RGS20: variants seen among roughly 807,000 people sequenced by gnomAD.
RGS20 encodes gz-selective GTPase-activating protein.
Under a neutral mutation model 33.6 loss-of-function variants are expected in RGS20, and 30 were observed. That is an observed-to-expected ratio of 0.89 (90% CI 0.67 to 1.21). The LOEUF (loss-of-function observed/expected upper bound fraction) is 1.21. Among genes scored for constraint, RGS20 ranks in the 50% most tolerant of loss-of-function variants. The pLI is 0.00. For missense variants in RGS20, 472 were observed against 502.4 expected, an observed-to-expected ratio of 0.94 and a Z score of 0.58; for synonymous variants, 208 against 197.9, an observed-to-expected ratio of 1.05 and a Z score of -0.43.
intron 1 of RGS20, among the ~76,000 whole-genome samples, chr8:53,865,515 A>G (rs78779627): frequency 1.3e-5 from 2 of 152,256 alleles, no homozygotes; most frequent in African/African-American, 4.8e-5. Context: ...TCAACTCCAG[A>G]TCATGACATT....
chr8:53,858,307 A>G (rs903414116), intron 1 of RGS20, among the ~76,000 whole-genome samples: 4 of 152,152 alleles, frequency 2.6e-5, no homozygotes, highest in Admixed American at 6.5e-5. Context: ...GCACCTGTAC[A>G]CTCCACTTAC....
chr8:53,858,531 TCTA>T (rs1177759290), intron 1 of RGS20, among the ~76,000 whole-genome samples: 3 of 151,980 alleles, frequency 2.0e-5, no homozygotes, highest in African/African-American at 7.2e-5. Flanking sequence ...TTTAAAAACC[TCTA>T]TGTACACATA....
chr8:53,915,795 C>T (rs58780122), intron 2 of RGS20, among the ~76,000 whole-genome samples: 9,861 of 152,096 alleles, frequency 0.065, 865 homozygotes, highest in African/African-American at 0.2. Flanking sequence ...ATTGGAGTCT[C>T]GCTATGTTGT....
intron 4 of RGS20, 88 bp from the exon 4 acceptor site, chr8:53,953,988 G>A: frequency 2.2e-6 from 2 of 906,106 alleles, no homozygotes; most frequent in Non-Finnish European, 3.7e-6. Context: ...CATTCTTGGA[G>A]GAGGAAAAGA....
chr8:53,855,045 G>A (rs1361591126), intron 1 of RGS20, among the ~76,000 whole-genome samples: 1 of 152,144 alleles, frequency 6.6e-6, no homozygotes, highest in Non-Finnish European at 1.5e-5. Flanking sequence ...CTATATATAT[G>A]TGTATGATTC....
chr8:53,864,666 A>G (rs1345531682), intron 1 of RGS20, among the ~76,000 whole-genome samples: 9 of 152,112 alleles, frequency 5.9e-5, no homozygotes, highest in Admixed American at 5.9e-4. Context: ...TTGATTGGCC[A>G]GTTGATTAGT....
intron 5 of RGS20, among the ~76,000 whole-genome samples, chr8:53,956,857 C>T (rs1019452175): frequency 1.3e-5 from 2 of 151,956 alleles, no homozygotes; most frequent in Non-Finnish European, 2.9e-5. Context: ...TATTATACAA[C>T]CAAAAACAGG....
intron 2 of RGS20, among the ~76,000 whole-genome samples, chr8:53,921,639 G>C (rs1813651663): frequency 6.6e-6 from 1 of 151,852 alleles, no homozygotes. Context: ...TTGGCATACA[G>C]TTGTTCACAG....
chr8:53,954,297 T>A lies in RGS20; in HGVS notation c.965T>A (p.Leu322His). The A allele has an allele frequency of 6.2e-7, 1 of 1,604,608 alleles. No homozygotes were observed. Among genetic ancestry groups the A allele is most frequent in the Non-Finnish European group, 8.5e-7 (1 of 1,171,948 alleles). Residue 322 changes from leucine (L) to histidine (H), a missense_variant, in exon 5 of 6, where the codon CTT (leucine) becomes CAT (histidine). Transcript: ENST00000297313. ...ATCTATGAAGACTACATTTCTATAC[T>A]TTCTCCTAAGGAGGTATGTGACCAC...
chr8:53,883,191 T>C (rs1812446791), intron 2 of RGS20, among the ~76,000 whole-genome samples: 1 of 151,944 alleles, frequency 6.6e-6, no homozygotes, highest in African/African-American at 2.4e-5. Flanking sequence ...AGTTTCGCTC[T>C]TGTGGCCCAG....
intron 3 of RGS20, among the ~76,000 whole-genome samples, chr8:53,945,055 A>G (rs1814433337): frequency 6.6e-6 from 1 of 152,206 alleles, no homozygotes; most frequent in Non-Finnish European, 1.5e-5. Flanking sequence ...GAGTTCCTCA[A>G]AATGTTAAAA....
intron 2 of RGS20, 26 bp from the exon 2 acceptor site, chr8:53,939,550 C>T (rs1308345172): frequency 6.8e-7 from 1 of 1,478,192 alleles, no homozygotes. Context: ...CCCCTCCCGC[C>T]CGCTTTGTTC....
At chr8:53,917,922 A>G (rs1313859308) in intron 2 of RGS20, among the ~76,000 whole-genome samples, 1 of 152,174 alleles carries the variant, frequency 6.6e-6, no homozygotes, top group Non-Finnish European at 1.5e-5. Flanking sequence ...GGCAACCACT[A>G]TTCTACTTTC....
At chr8:53,895,333 T>G (rs1231192607) in intron 2 of RGS20, among the ~76,000 whole-genome samples, 1 of 152,126 alleles carries the variant, frequency 6.6e-6, no homozygotes, top group Non-Finnish European at 1.5e-5. Context: ...GGCAGCTGGT[T>G]GGATCTGTGT....
At chr8:53,886,412 A>G (rs544931851) in intron 2 of RGS20, among the ~76,000 whole-genome samples, 1 of 152,322 alleles carries the variant, frequency 6.6e-6, no homozygotes, top group South Asian at 2.1e-4. Flanking sequence ...TGCATAGGGA[A>G]TCACTTGTGA....
intron 2 of RGS20, among the ~76,000 whole-genome samples, chr8:53,932,858 C>T (rs757189965): frequency 1.3e-5 from 2 of 152,170 alleles, no homozygotes; most frequent in Non-Finnish European, 1.5e-5. Flanking sequence ...TCGACAGACA[C>T]CTCATACAGG....
At chr8:53,891,575 C>T (rs1381318516) in intron 2 of RGS20, among the ~76,000 whole-genome samples, 3 of 152,076 alleles carry the variant, frequency 2.0e-5, no homozygotes, top group Non-Finnish European at 2.9e-5. Flanking sequence ...GAGCCAAGAT[C>T]ATGCCAGTGC....
intron 2 of RGS20, among the ~76,000 whole-genome samples, chr8:53,896,798 A>G (rs1812876452): frequency 6.6e-6 from 1 of 152,256 alleles, no homozygotes; most frequent in Non-Finnish European, 1.5e-5. Flanking sequence ...GGACTAATGA[A>G]GAAGGACCAC....
chr8:53,883,702 T>C (rs1383967547), intron 2 of RGS20, among the ~76,000 whole-genome samples: 1 of 151,842 alleles, frequency 6.6e-6, no homozygotes, highest in African/African-American at 2.4e-5. Context: ...CTCAGCACTT[T>C]GGGAGGCCGA....
Sources: allele counts gnomAD v4.1 joint callset (sites outside exome capture counted in the v4.1 genomes callset), GRCh38; gene constraint gnomAD v4.1.1; transcripts MANE v1.5; gene names NCBI Gene and HGNC (gene_info 2026-07-23, HGNC 2026-07-21).